TNNI3K: variants seen among roughly 807,000 people sequenced by gnomAD.
The protein encoded by TNNI3K is serine/threonine-protein kinase TNNI3K.
A neutral mutation model predicts 114.5 loss-of-function variants in TNNI3K; 140 were observed. The observed-to-expected ratio is 1.22, with a 90% confidence interval of 1.07 to 1.41. The LOEUF (loss-of-function observed/expected upper bound fraction) is 1.41. TNNI3K is among the 40% of genes most tolerant of loss of function. The pLI, the probability that TNNI3K is intolerant of heterozygous loss-of-function variation, is 0.00. For synonymous variants in TNNI3K, 347 were observed against 347.5 expected, an observed-to-expected ratio of 1.00 and a Z score of 0.02; for missense variants, 1,125 against 1,007.6, an observed-to-expected ratio of 1.12 and a Z score of -1.58.
chr1:74,451,826 G>A (rs1570639742), intron 20 of TNNI3K, among the ~76,000 whole-genome samples: 1 of 148,492 alleles, frequency 6.7e-6, no homozygotes, highest in East Asian at 2.0e-4. Flanking sequence ...GAATTGAAGT[G>A]GTAAGATATA....
intron 23 of TNNI3K, among the ~76,000 whole-genome samples, chr1:74,510,858 C>A: frequency 6.6e-6 from 1 of 152,196 alleles, no homozygotes; most frequent in East Asian, 1.9e-4. Context: ...GTCTTGTATT[C>A]TTGTATAAAG....
intron 17 of TNNI3K, among the ~76,000 whole-genome samples, chr1:74,402,666 T>A (rs1178026243): frequency 1.3e-5 from 2 of 152,242 alleles, no homozygotes; most frequent in African/African-American, 4.8e-5. Flanking sequence ...ACTTCTGAAC[T>A]ATTCAGGTTG....
At chr1:74,511,256 G>C (rs1206676127) in intron 23 of TNNI3K, among the ~76,000 whole-genome samples, 1 of 151,396 alleles carries the variant, frequency 6.6e-6, no homozygotes, top group South Asian at 2.1e-4. Context: ...GCAATGGTGC[G>C]ATCTCGGCTC....
chr1:74,424,544 C>T (rs1360364034), intron 17 of TNNI3K, among the ~76,000 whole-genome samples: 2 of 151,938 alleles, frequency 1.3e-5, no homozygotes, highest in East Asian at 3.9e-4. Context: ...CATGATGAAA[C>T]CCCATCTCTA....
intron 5 of TNNI3K, among the ~76,000 whole-genome samples, chr1:74,297,833 T>C (rs1270329196): frequency 6.6e-6 from 1 of 152,154 alleles, no homozygotes; most frequent in Non-Finnish European, 1.5e-5. Flanking sequence ...AGCATCACTT[T>C]TATTGTACTC....
At chr1:74,318,601 C>T (rs770607145) in intron 5 of TNNI3K, among the ~76,000 whole-genome samples, 2 of 152,142 alleles carry the variant, frequency 1.3e-5, no homozygotes, top group East Asian at 1.9e-4. Flanking sequence ...TTCTATTTCA[C>T]GTTTTAGGTT....
At chr1:74,373,808 G>A (rs997386236) in intron 17 of TNNI3K, 1 of 151,778 alleles carries the variant, frequency 6.6e-6, no homozygotes, top group Non-Finnish European at 1.5e-5. Context: ...TGAAAAAAAA[G>A]AACTCTACTT....
chr1:74,489,198 G>A lies in TNNI3K; in HGVS notation c.2131G>A (p.Glu711Lys), dbSNP rs775150515. 18 of 1,610,478 alleles carry A rather than the reference G, an allele frequency of 1.1e-5. No individual in the cohort carries two copies. Among genetic ancestry groups the A allele is most frequent in the Non-Finnish European group, 1.5e-5 (18 of 1,178,488 alleles). Reference sequence around the variant, plus strand: ...TTTTTTCTATTTACAGGGAAGACCCGAATTTTCTGAAGTTGTCATGAAGTT... The same window carrying A: ...TTTTTTCTATTTACAGGGAAGACCCAAATTTTCTGAAGTTGTCATGAAGTT... ...GWNACPEGRP[E>K]FSEVVMKLEE... The change falls in exon 22 of 25, where the codon GAA (glutamate) becomes AAA (lysine). Residue 711 changes from glutamate (E) to lysine (K), a missense_variant. Glu to Lys is a moderately conservative substitution (Grantham distance 56). Coordinates refer to ENST00000326637, the MANE Select transcript of TNNI3K (RefSeq NM_015978.3).
At chr1:74,473,791 T>A (rs541404379) in intron 21 of TNNI3K, among the ~76,000 whole-genome samples, 39 of 152,054 alleles carry the variant, frequency 2.6e-4, no homozygotes, top group Non-Finnish European at 4.7e-4. Context: ...GTAAACAAAT[T>A]ATGTTGGGGA....
At position 74,347,462 on chromosome 1, in the gene TNNI3K, C is replaced by T. The variant is rs376642151; in HGVS notation, c.932+4283C>T. ...TGTGAATAGTGCCGCAATAAACATA[C>T]GTGTGCATGTGTCTTTATAGCAGCA... On this transcript the variant is annotated intron_variant, in intron 9 of 24. Transcript: ENST00000326637. Among the ~76,000 whole-genome samples the T allele has an allele frequency of 3.9e-5, 6 of 152,134 alleles. No individual in the cohort carries two copies. In the East Asian group the frequency reaches 5.8e-4, roughly 15 times the overall value.
chr1:74,326,262 A>G (rs1290946549), intron 5 of TNNI3K, among the ~76,000 whole-genome samples: 1 of 152,154 alleles, frequency 6.6e-6, no homozygotes, highest in Non-Finnish European at 1.5e-5. Context: ...TCTAGAATTT[A>G]CCCTATTCTA....
intron 11 of TNNI3K, among the ~76,000 whole-genome samples, chr1:74,359,998 T>G (rs1399921534): frequency 6.6e-6 from 1 of 151,984 alleles, no homozygotes; most frequent in Non-Finnish European, 1.5e-5. Context: ...TTGATTACTT[T>G]TTCCTCCTCA....
chr1:74,444,421 TCTCA>T (rs1280910439), intron 20 of TNNI3K, among the ~76,000 whole-genome samples: 1 of 151,646 alleles, frequency 6.6e-6, no homozygotes, highest in Non-Finnish European at 1.5e-5. Flanking sequence ...TGAATGAACC[TCTCA>T]CTCACAATTG....
chr1:74,393,167 G>A (rs1663880693), intron 17 of TNNI3K, among the ~76,000 whole-genome samples: 1 of 152,066 alleles, frequency 6.6e-6, no homozygotes, highest in African/African-American at 2.4e-5. Flanking sequence ...TTGCAGGGCA[G>A]TTTTCTTCAA....
chr1:74,510,170 TC>T (rs1215012076), intron 23 of TNNI3K, among the ~76,000 whole-genome samples: 1 of 152,192 alleles, frequency 6.6e-6, no homozygotes, highest in African/African-American at 2.4e-5. Flanking sequence ...GATTTTTACT[TC>T]CTGAGATCAG....
At chr1:74,341,307 T>C (rs891711889) in intron 7 of TNNI3K, among the ~76,000 whole-genome samples, 4 of 152,184 alleles carry the variant, frequency 2.6e-5, no homozygotes, top group Non-Finnish European at 4.4e-5. Flanking sequence ...ATTTCTAAGA[T>C]GGACATTAGT....
intron 21 of TNNI3K, among the ~76,000 whole-genome samples, chr1:74,485,378 C>A (rs1345985216): frequency 6.6e-6 from 1 of 152,108 alleles, no homozygotes; most frequent in Non-Finnish European, 1.5e-5. Context: ...GCCGGTTAGT[C>A]GGCCTCATGG....
chr1:74,296,137 G>A (rs1401041730), intron 5 of TNNI3K, among the ~76,000 whole-genome samples: 3 of 151,962 alleles, frequency 2.0e-5, no homozygotes, highest in South Asian at 4.2e-4. Context: ...TTAGCCGGGC[G>A]AGGCGGCGGG....
intron 5 of TNNI3K, among the ~76,000 whole-genome samples, chr1:74,297,522 C>CATGTGTGTGTGTGTGTGTGTGTGT (rs1553128510): frequency 6.9e-6 from 1 of 145,354 alleles, no homozygotes; most frequent in African/African-American, 2.5e-5. Flanking sequence ...TGTGTGTGTG[C>CATGTGTGTGTGTGTGTGTGTGTGT]GTGTGTGTGT....
Sources: allele counts gnomAD v4.1 joint callset (sites outside exome capture counted in the v4.1 genomes callset), GRCh38; gene constraint gnomAD v4.1.1; transcripts MANE v1.5; gene names NCBI Gene and HGNC (gene_info 2026-07-23, HGNC 2026-07-21).